UBAC2: variants seen among roughly 807,000 people sequenced by gnomAD.
UBAC2 encodes ubiquitin-associated domain-containing protein 2.
UBAC2 carries 26 observed loss-of-function variants against 44.0 expected under a neutral mutation model. The observed-to-expected ratio is 0.59, with a 90% CI of 0.43 to 0.82. The LOEUF is 0.82. Among genes scored for constraint, UBAC2 ranks in the 40% least tolerant of loss-of-function variants. UBAC2 has a pLI of 0.00. For synonymous variants in UBAC2, 155 were observed against 154.3 expected (o/e 1.00, Z -0.04); for missense variants, 329 against 419.4 (o/e 0.78, Z 1.88).
At chr13:99,375,618 A>G (rs182815334) in intron 8 of UBAC2, among the ~76,000 whole-genome samples, 28 of 152,332 alleles carry the variant, frequency 1.8e-4, no homozygotes, top group Admixed American at 1.6e-3. Flanking sequence ...CTTAGCTAAA[A>G]GGGAAGTTAA....
In UBAC2 at chr13:99,340,459, G is replaced by A. The variant is rs921890095; in HGVS notation, c.701G>A (p.Gly234Glu). The A allele has an allele frequency of 6.2e-7, 1 of 1,614,058 alleles. No homozygotes were observed. Among genetic ancestry groups the A allele is most frequent in the Non-Finnish European group, 8.5e-7 (1 of 1,180,052 alleles). The change falls in exon 7 of 9, where the codon GGG becomes GAG. Residue 234 changes from glycine (G) to glutamate (E), a missense_variant. By Grantham distance (98) the Gly-to-Glu change is moderately conservative. Transcript: ENST00000403766. ...GAACCCACCAGCGAAGCCAGAATTG[G>A]GATGGGAGCCACGCTGGACATCCAG... ...SSEPTSEARI[G>E]MGATLDIQRQ...
intron 7 of UBAC2, among the ~76,000 whole-genome samples, chr13:99,353,135 T>A (rs937176534): frequency 6.6e-6 from 1 of 152,258 alleles, no homozygotes; most frequent in Non-Finnish European, 1.5e-5. Flanking sequence ...AAGCTAGTTC[T>A]TTTATGACTT....
chr13:99,213,606 C>T (rs543089553), intron 1 of UBAC2, among the ~76,000 whole-genome samples: 2 of 151,732 alleles, frequency 1.3e-5, no homozygotes, highest in South Asian at 2.1e-4. Flanking sequence ...GTGATCCGCA[C>T]GACTCAGCCT....
rs183157246 is a variant in UBAC2, at chr13:99,383,907, C to T, written c.928-1321C>T. ...GTTCCCTCCCCCACCTGCCTCTCTA[C>T]TCTCTGCACCTTCTTCCTCACCTTG... On this transcript the variant is annotated intron_variant, in intron 8 of 8. Coordinates refer to ENST00000403766, the MANE Select transcript of UBAC2 (RefSeq NM_001144072.2). Among the ~76,000 whole-genome samples the T allele has an allele frequency of 2.4e-3, 365 of 152,376 alleles. 3 individuals are homozygous for T. The highest frequency in any genetic ancestry group is 0.011 in the South Asian group (51 of 4,828).
intron 8 of UBAC2, among the ~76,000 whole-genome samples, chr13:99,368,688 AGTGTGTGTGTGTGTGTGTGT>A (rs35193753): frequency 2.7e-4 from 40 of 146,698 alleles, no homozygotes; most frequent in Admixed American, 1.4e-3. Context: ...CTCATGAGAG[AGTGTGTGTGTGTGTGTGTGT>A]GTGTGTGTGT....
chr13:99,358,530 T>A (rs1450948802), intron 7 of UBAC2, among the ~76,000 whole-genome samples: 1 of 152,234 alleles, frequency 6.6e-6, no homozygotes, highest in African/African-American at 2.4e-5. Flanking sequence ...AATCTATATT[T>A]ATGTTAGCAA....
At chr13:99,239,868 A>T (rs1270049979) in intron 2 of UBAC2, among the ~76,000 whole-genome samples, 1 of 152,204 alleles carries the variant, frequency 6.6e-6, no homozygotes, top group Non-Finnish European at 1.5e-5. Flanking sequence ...TGTACATGAC[A>T]TCCTTGGGGG....
At chr13:99,265,489 G>C (rs1364037187) in intron 4 of UBAC2, among the ~76,000 whole-genome samples, 1 of 152,230 alleles carries the variant, frequency 6.6e-6, no homozygotes, top group African/African-American at 2.4e-5. Context: ...TTTAGGATCA[G>C]TAATTACAGG....
chr13:99,215,462 A>G (rs1265661389), intron 1 of UBAC2: 13 of 1,378,124 alleles, frequency 9.4e-6, no homozygotes, highest in Non-Finnish European at 1.2e-5. Context: ...CCTTGATGAG[A>G]ATCCAATTCT....
At chr13:99,239,063 A>G (rs1396530581) in intron 2 of UBAC2, among the ~76,000 whole-genome samples, 1 of 152,240 alleles carries the variant, frequency 6.6e-6, no homozygotes, top group Non-Finnish European at 1.5e-5. Flanking sequence ...CTTGTTGAAA[A>G]TGCTAGTACT....
chr13:99,211,894 G>A (rs914704374), intron 1 of UBAC2, among the ~76,000 whole-genome samples: 2 of 152,156 alleles, frequency 1.3e-5, no homozygotes, highest in African/African-American at 4.8e-5. Flanking sequence ...CATCCCCTTG[G>A]GACCATGGCA....
chr13:99,255,883 G>C (rs372739338), intron 4 of UBAC2: 32 of 1,530,740 alleles, frequency 2.1e-5, no homozygotes, highest in African/African-American at 2.8e-5. Flanking sequence ...TTTACAGCTT[G>C]TTGGTAGGCA....
rs2042980262 is a variant in UBAC2 at position 99,215,385 on chromosome 13, T to C, written c.31+14446T>C. On this transcript the variant is annotated intron_variant, in intron 1 of 8. Transcript: ENST00000403766. The stretch of plus-strand genomic sequence containing the variant: ...TCCAGGCATACATTAGACAGTCTTC[T>C]GTTGTCCTTTCTTCCCAATCAGAGA... 4 of 1,200,654 alleles carry C rather than the reference T, an allele frequency of 3.3e-6. No individual in the cohort carries two copies. In the South Asian group the frequency reaches 4.8e-5, roughly 15 times the overall value. 74.4% of individuals were successfully genotyped at this position (1,200,654 alleles called of 1,614,324 possible). A position where few individuals can be genotyped will look rare whatever the true frequency, so the allele number is the denominator to read the frequency against.
chr13:99,207,056 T>C (rs1186821047), intron 1 of UBAC2, among the ~76,000 whole-genome samples: 6 of 152,230 alleles, frequency 3.9e-5, no homozygotes, highest in Non-Finnish European at 7.3e-5. Flanking sequence ...TTACCTTCAT[T>C]CTCTCTCCTG....
At chr13:99,213,801 G>A (rs2042961201) in intron 1 of UBAC2, among the ~76,000 whole-genome samples, 1 of 152,010 alleles carries the variant, frequency 6.6e-6, no homozygotes, top group Non-Finnish European at 1.5e-5. Flanking sequence ...TTGAATTATA[G>A]AATCAAAAGA....
At chr13:99,316,395 A>G (rs1011197159) in intron 5 of UBAC2, among the ~76,000 whole-genome samples, 6 of 151,876 alleles carry the variant, frequency 4.0e-5, no homozygotes, top group Non-Finnish European at 8.8e-5. Flanking sequence ...AACCAGGGAC[A>G]TTGTTGAATG....
intron 4 of UBAC2, among the ~76,000 whole-genome samples, chr13:99,265,110 T>C (rs558776249): frequency 8.5e-4 from 129 of 152,176 alleles, no homozygotes; most frequent in Non-Finnish European, 1.5e-3. Flanking sequence ...TAAAACTGCA[T>C]TGATTTTGGT....
intron 1 of UBAC2, among the ~76,000 whole-genome samples, chr13:99,211,777 A>G (rs1443824087): frequency 6.6e-6 from 1 of 152,142 alleles, no homozygotes; most frequent in African/African-American, 2.4e-5. Flanking sequence ...TCTCCCAACC[A>G]CTGGGATCGT....
At chr13:99,205,212 C>G (rs957695688) in intron 1 of UBAC2, among the ~76,000 whole-genome samples, 1 of 152,082 alleles carries the variant, frequency 6.6e-6, no homozygotes, top group African/African-American at 2.4e-5. Context: ...GGGGGAGTTT[C>G]TTTAAGTGGA....
Sources: gnomAD v4.1 joint callset for allele counts (sites outside exome capture counted in the v4.1 genomes callset) on GRCh38, gnomAD v4.1.1 for gene constraint, MANE v1.5 for transcripts, NCBI Gene and HGNC (gene_info 2026-07-23, HGNC 2026-07-21) for gene names.